PRKCH: variants seen among roughly 807,000 people sequenced by gnomAD.
The protein encoded by PRKCH is protein kinase C eta.
Under a neutral mutation model 82.5 loss-of-function variants are expected in PRKCH, and 28 were observed. The ratio of observed to expected loss-of-function variants is 0.34; its 90% CI spans 0.25 to 0.47. PRKCH has a LOEUF of 0.47. Among genes scored for constraint, PRKCH ranks in the 20% least tolerant of loss-of-function variants. PRKCH has a pLI of 1.00. For missense variants in PRKCH, 705 were observed against 881.8 expected, an observed-to-expected ratio of 0.80 and a Z score of 2.54; for synonymous variants, 322 against 327.4, an observed-to-expected ratio of 0.98 and a Z score of 0.18.
rs35134897 is a variant in PRKCH, at chr14:61,481,990, C to CTTTTT, written c.1279-3493_1279-3489dup. On this transcript the variant is annotated intron_variant, in intron 9 of 13. Coordinates refer to ENST00000332981, the MANE Select transcript of PRKCH (RefSeq NM_006255.5). ...GATGTGTGGGTCTTCTTTCCTTTTC[C>CTTTTT]TTTTTTTTTTTTTTTTTTTTTTTGA... is the stretch of plus-strand genomic sequence containing the variant. Among the ~76,000 whole-genome samples, 103 of 101,070 alleles carry CTTTTT rather than the reference C, an allele frequency of 1.0e-3. 6 individuals carry two copies. The East Asian group carries it at 0.019, about 18-fold the overall frequency. 66.3% of individuals were successfully genotyped at this position (101,070 alleles called of 152,430 possible).
chr14:61,195,929 T>A lies in PRKCH; in HGVS notation c.-19+8261T>A, dbSNP rs187046519. On this transcript the variant is annotated intron_variant, in intron 1 of 3. Coordinates refer to the PRKCH transcript ENST00000555185. Reference sequence around the variant, plus strand: ...CACCCTGGGGGTTAGGGCTTCGGCATATAAATTTTGGGGGGCATGGAAACA... The same window carrying A: ...CACCCTGGGGGTTAGGGCTTCGGCAAATAAATTTTGGGGGGCATGGAAACA... Among the ~76,000 whole-genome samples the A allele has an allele frequency of 2.9e-3, 439 of 152,288 alleles. 4 individuals carry two copies. Among genetic ancestry groups the A allele is most frequent in the African/African-American group, 0.01 (430 of 41,552 alleles).
chr14:61,354,024 G>A (rs2140152567), intron 1 of PRKCH: 1 of 152,332 alleles, frequency 6.6e-6, no homozygotes, highest in South Asian at 2.1e-4. Context: ...TTATAAAGAT[G>A]TAAGGCTATA....
chr14:61,216,514 C>T (rs1048215180), intron 1 of PRKCH, among the ~76,000 whole-genome samples: 1 of 151,882 alleles, frequency 6.6e-6, no homozygotes, highest in Admixed American at 6.6e-5. Flanking sequence ...CCAGAAAAGT[C>T]AAAGGTTGCA....
intron 1 of PRKCH, chr14:61,299,942 G>T (rs1298193267): frequency 6.6e-6 from 1 of 152,054 alleles, no homozygotes; most frequent in African/African-American, 2.4e-5. Flanking sequence ...ACATTTCAAA[G>T]GACAAATAAC....
At chr14:61,471,246 C>T (rs553170739) in intron 9 of PRKCH, among the ~76,000 whole-genome samples, 2,165 of 75,054 alleles carry the variant, frequency 0.029, 25 homozygotes, top group South Asian at 0.048. Flanking sequence ...GGAGGTACAC[C>T]TGATAGGACT....
chr14:61,542,490 A>G (rs1223084855), intron 12 of PRKCH, among the ~76,000 whole-genome samples: 1 of 152,216 alleles, frequency 6.6e-6, no homozygotes, highest in Non-Finnish European at 1.5e-5. Context: ...AGCCTGAACA[A>G]CATAGGAAGA....
At chr14:61,336,347 C>G (rs1302612026) in intron 1 of PRKCH, among the ~76,000 whole-genome samples, 1 of 152,118 alleles carries the variant, frequency 6.6e-6, no homozygotes, top group Non-Finnish European at 1.5e-5. Flanking sequence ...CTTCCTTATC[C>G]CGGAATCACA....
intron 1 of PRKCH, among the ~76,000 whole-genome samples, chr14:61,209,449 C>T (rs759612171): frequency 6.6e-6 from 1 of 152,020 alleles, no homozygotes; most frequent in African/African-American, 2.4e-5. Context: ...CTTTAAGTCA[C>T]CCAGTCTATC....
chr14:61,263,847 T>TTGTGTGTGTGTGTGTGTGTGTGTGTG (rs56280986), intron 1 of PRKCH, among the ~76,000 whole-genome samples: 6 of 144,194 alleles, frequency 4.2e-5, no homozygotes, highest in South Asian at 2.3e-4. Flanking sequence ...AGTCAGAGTA[T>TTGTGTGTGTGTGTGTGTGTGTGTGTG]TGTGTGTGTG....
chr14:61,318,388 G>C (rs1227716289), upstream of PRKCH, among the ~76,000 whole-genome samples: 1 of 120,078 alleles, frequency 8.3e-6, no homozygotes, highest in Non-Finnish European at 1.7e-5. Flanking sequence ...TTTTTTTGTA[G>C]AGATGAGAGT....
intron 10 of PRKCH, among the ~76,000 whole-genome samples, chr14:61,507,730 T>C (rs558195341): frequency 2.0e-5 from 3 of 152,078 alleles, no homozygotes; most frequent in Non-Finnish European, 2.9e-5. Flanking sequence ...GTCAAAATCA[T>C]AGAAGCAGGG....
At chr14:61,287,250 A>G (rs1594892482) in intron 1 of PRKCH, among the ~76,000 whole-genome samples, 1 of 144,146 alleles carries the variant, frequency 6.9e-6, no homozygotes, top group African/African-American at 2.5e-5. Context: ...ACCAGCAAGG[A>G]TAGGGCTGGA....
intron 1 of PRKCH, among the ~76,000 whole-genome samples, chr14:61,214,871 C>A (rs1248444840): frequency 6.6e-6 from 1 of 152,120 alleles, no homozygotes; most frequent in Non-Finnish European, 1.5e-5. Flanking sequence ...TTGTTTAAAT[C>A]ATTTATGTTA....
At chr14:61,535,815 T>A (rs1290817698) in intron 12 of PRKCH, among the ~76,000 whole-genome samples, 1 of 152,206 alleles carries the variant, frequency 6.6e-6, no homozygotes, top group Non-Finnish European at 1.5e-5. Context: ...TTCAAATTAA[T>A]CCAGGAGTTG....
chr14:61,338,327 C>T (rs573050297), intron 1 of PRKCH, among the ~76,000 whole-genome samples: 11 of 152,252 alleles, frequency 7.2e-5, no homozygotes, highest in East Asian at 1.9e-4. Flanking sequence ...AAAAGGTTTT[C>T]GCTTGAAAAA....
intron 1 of PRKCH, among the ~76,000 whole-genome samples, chr14:61,295,086 G>A (rs1020752019): frequency 6.6e-6 from 1 of 151,970 alleles, no homozygotes; most frequent in Non-Finnish European, 1.5e-5. Flanking sequence ...GGCTGGTCTC[G>A]AACTTCCAGC....
intron 12 of PRKCH, among the ~76,000 whole-genome samples, chr14:61,538,159 A>T (rs972272130): frequency 2.6e-5 from 4 of 152,238 alleles, no homozygotes; most frequent in African/African-American, 4.8e-5. Context: ...CCAGATCATT[A>T]GGGCTGGTTT....
At position 61,215,516 on chromosome 14, in the gene PRKCH, A is replaced by ATC. The variant is rs535785175; in HGVS notation, c.-19+27859_-19+27860dup. ...GTTATGACTCAGTTTCTTAAAATAA[A>ATC]TCTCTCTCTCTCCCTCTTGACATAT... On this transcript the variant is annotated intron_variant, in intron 1 of 3. Transcript: ENST00000555185. 2.0e-3 allele frequency among the ~76,000 whole-genome samples: 303 copies of ATC among 152,062 alleles called. 2 individuals carry two copies. Among genetic ancestry groups the ATC allele is most frequent in the Non-Finnish European group, 3.3e-3 (224 of 68,010 alleles).
chr14:61,294,127 AT>A (rs531977419), intron 1 of PRKCH, among the ~76,000 whole-genome samples: 8,576 of 146,772 alleles, frequency 0.058, 414 homozygotes, highest in East Asian at 0.16. Context: ...TTTTATTTTT[AT>A]TTTTTTTTTT....
Sources: allele counts gnomAD v4.1 joint callset (sites outside exome capture counted in the v4.1 genomes callset), GRCh38; gene constraint gnomAD v4.1.1; transcripts MANE v1.5; gene names NCBI Gene and HGNC (gene_info 2026-07-23, HGNC 2026-07-21).